The following LRSAM1 variants were observed in gnomAD, a reference collection of about 807,000 sequenced individuals.
The protein encoded by LRSAM1 is E3 ubiquitin-protein ligase LRSAM1.
LRSAM1 carries 96 observed loss-of-function variants against 118.1 expected under a neutral mutation model. That is an observed-to-expected ratio of 0.81 (90% CI 0.69 to 0.96). The LOEUF is 0.96. Ranked by LOEUF, LRSAM1 falls within the 40% of genes least tolerant of loss-of-function variation. The pLI, the probability that LRSAM1 is intolerant of heterozygous loss-of-function variation, is 0.00. For missense variants in LRSAM1, 804 were observed against 915.5 expected (o/e 0.88, Z 1.57); for synonymous variants, 322 against 364.2 (o/e 0.88, Z 1.32).
In LRSAM1 at chr9:127,465,797, TGA is replaced by T. The variant is rs1162652347; in HGVS notation, c.529-1939_529-1938del. Among the ~76,000 whole-genome samples, 2 of 152,106 alleles carry T rather than the reference TGA, an allele frequency of 1.3e-5. No homozygotes were observed. Among genetic ancestry groups the T allele is most frequent in the African/African-American group, 4.8e-5 (2 of 41,422 alleles). Reference sequence around the variant, plus strand: ...ATCAGTGCCTGCCAGCACTCTGGGATGAGAGGGCCTGTGGGAAGTCAGAGGTT... The same window carrying T: ...ATCAGTGCCTGCCAGCACTCTGGGATGAGGGCCTGTGGGAAGTCAGAGGTT... On this transcript the variant is annotated intron_variant, in intron 9 of 25. Coordinates refer to ENST00000300417, the MANE Select transcript of LRSAM1 (RefSeq NM_001005373.4). The surrounding 1 kb of genome is among the most constrained non-coding windows in gnomAD (Gnocchi z 4.1).
At chr9:127,499,288 C>T (rs576826783) in intron 24 of LRSAM1, among the ~76,000 whole-genome samples, 6 of 152,008 alleles carry the variant, frequency 3.9e-5, no homozygotes, top group Admixed American at 1.3e-4. Context: ...GTGGGAGGAT[C>T]GCTTGAGCTT....
chr9:127,470,504 C>G (rs1835127767), intron 10 of LRSAM1, among the ~76,000 whole-genome samples: 1 of 152,032 alleles, frequency 6.6e-6, no homozygotes, highest in East Asian at 1.9e-4. Context: ...GACACAGAGC[C>G]AGACCATATC....
In LRSAM1 at chr9:127,502,974, G is replaced by A; in HGVS notation, c.*75G>A. ...GAGCCCCGGGCTCCTGCTCAGCCTT[G>A]TGCCAGCCAGACTCGTATGAGGCTC... On this transcript the variant is annotated 3_prime_UTR_variant, in exon 26 of 26. Coordinates refer to ENST00000300417, the MANE Select transcript of LRSAM1 (RefSeq NM_001005373.4). The A allele has an allele frequency of 6.5e-7, 1 of 1,541,366 alleles. No homozygotes were observed. The highest frequency in any genetic ancestry group is 8.7e-7 in the Non-Finnish European group (1 of 1,143,400).
chr9:127,453,125 A>G (rs1393110737), intron 2 of LRSAM1, among the ~76,000 whole-genome samples: 2 of 152,300 alleles, frequency 1.3e-5, no homozygotes, highest in East Asian at 3.9e-4. Flanking sequence ...TCTGTCACCC[A>G]GGCTGGAGTG....
intron 5 of LRSAM1, among the ~76,000 whole-genome samples, chr9:127,456,706 T>TA (rs1006491280): frequency 2.1e-4 from 31 of 147,852 alleles, no homozygotes; most frequent in African/African-American, 3.0e-4. Context: ...CTACCAAAAA[T>TA]AAAAAAAAAA....
chr9:127,502,455 C>T (rs1374195236), intron 25 of LRSAM1, among the ~76,000 whole-genome samples: 9 of 152,130 alleles, frequency 5.9e-5, no homozygotes, highest in South Asian at 2.1e-4. Context: ...GAGGCCGAGG[C>T]GGGCAGATCA....
At position 127,461,186 on chromosome 9, in the gene LRSAM1, A is replaced by C; in HGVS notation, c.335A>C (p.Glu112Ala). ...CCTCTTTCTTAGGTCTTAAACGTGG[A>C]AAGGAATCAACTGATGCAGCTCCCA... ...QLTALQVLNVERNQLMQLPRS... is the reference protein window; with the variant it reads ...QLTALQVLNVARNQLMQLPRS... The change falls in exon 8 of 26, where the codon GAA (glutamate) becomes GCA (alanine). Residue 112 changes from glutamate (E) to alanine (A), a missense_variant. By Grantham distance (107) the Glu-to-Ala change is moderately radical. Coordinates refer to ENST00000300417, the MANE Select transcript of LRSAM1 (RefSeq NM_001005373.4). 6.2e-7 allele frequency: 1 copy of C among 1,611,366 alleles called. No individual in the cohort carries two copies. Among genetic ancestry groups the C allele is most frequent in the Non-Finnish European group, 8.5e-7 (1 of 1,178,120 alleles).
At chr9:127,478,253 G>A (rs750337168) in intron 11 of LRSAM1, among the ~76,000 whole-genome samples, 1 of 152,136 alleles carries the variant, frequency 6.6e-6, no homozygotes, top group South Asian at 2.1e-4. Context: ...CTGCACTCCC[G>A]TTGCCTGGAG....
At chr9:127,460,027 G>A (rs1468400488) in intron 7 of LRSAM1, among the ~76,000 whole-genome samples, 2 of 150,684 alleles carry the variant, frequency 1.3e-5, no homozygotes, top group Admixed American at 1.3e-4. Context: ...TTGAGATAGA[G>A]TCTCGCTCTA....
intron 10 of LRSAM1, among the ~76,000 whole-genome samples, chr9:127,472,468 C>A (rs1391305981): frequency 6.6e-6 from 1 of 151,772 alleles, no homozygotes; most frequent in Non-Finnish European, 1.5e-5. Flanking sequence ...ATGCGGAAAC[C>A]CTGTCTCTAC....
chr9:127,498,271 C>T (rs975694377), intron 24 of LRSAM1, among the ~76,000 whole-genome samples: 1 of 152,230 alleles, frequency 6.6e-6, no homozygotes. Context: ...GGGACACTGA[C>T]TCAACCCCCA....
chr9:127,455,969 T>C (rs1276247998), intron 5 of LRSAM1, among the ~76,000 whole-genome samples: 1 of 152,154 alleles, frequency 6.6e-6, no homozygotes, highest in African/African-American at 2.4e-5. Context: ...GATAGAAATA[T>C]ACTGAGTGTA....
chr9:127,479,086 C>A, intron 12 of LRSAM1, 123 bp downstream of exon 12: 1 of 1,004,096 alleles, frequency 1.0e-6, no homozygotes, highest in South Asian at 1.4e-5. Context: ...TAATGCCTTC[C>A]TCTTACACGC....
At chr9:127,494,987 T>C (rs1262407221) in intron 21 of LRSAM1, among the ~76,000 whole-genome samples, 2 of 152,188 alleles carry the variant, frequency 1.3e-5, no homozygotes, top group Admixed American at 6.5e-5. Context: ...GTTTCGCTCT[T>C]GTTGCCCAGG....
intron 17 of LRSAM1, chr9:127,487,404 G>T: frequency 2.5e-6 from 1 of 407,102 alleles, no homozygotes; most frequent in South Asian, 2.1e-5. Flanking sequence ...ACTTCCGGGG[G>T]GTGCTGGGGA....
chr9:127,458,239 G>A (rs1475472565), intron 6 of LRSAM1, among the ~76,000 whole-genome samples: 5 of 152,024 alleles, frequency 3.3e-5, no homozygotes, highest in African/African-American at 4.8e-5. Flanking sequence ...AAAATTAGCC[G>A]GGCGCGGTGG....
intron 10 of LRSAM1, among the ~76,000 whole-genome samples, chr9:127,469,170 G>A (rs1835071388): frequency 6.6e-6 from 1 of 151,908 alleles, no homozygotes; most frequent in South Asian, 2.1e-4. Flanking sequence ...ACTTGACTAA[G>A]AATTTTTACA....
chr9:127,494,945 G>GGTTTT (rs1055802792), intron 21 of LRSAM1, among the ~76,000 whole-genome samples: 5 of 152,214 alleles, frequency 3.3e-5, no homozygotes, highest in African/African-American at 4.8e-5. Context: ...CCATCATTTT[G>GGTTTT]GTTTTGTTTT....
At chr9:127,467,672 A>G in intron 9 of LRSAM1, 68 bp from the exon 10 acceptor site, 2 of 1,410,944 alleles carry the variant, frequency 1.4e-6, no homozygotes, top group Non-Finnish European at 2.0e-6. Flanking sequence ...ACAAATTGAT[A>G]AGGAAATCGT....
Sources: gnomAD v4.1 joint callset for allele counts (sites outside exome capture counted in the v4.1 genomes callset) on GRCh38, gnomAD v4.1.1 for gene constraint, Gnocchi (gnomAD v3.1) non-coding constraint, MANE v1.5 for transcripts, NCBI Gene and HGNC (gene_info 2026-07-23, HGNC 2026-07-21) for gene names.